VRK2: variants seen among roughly 807,000 people sequenced by gnomAD.
The protein encoded by VRK2 is serine/threonine-protein kinase VRK2.
Under a neutral mutation model 57.6 loss-of-function variants are expected in VRK2, and 60 were observed. The observed-to-expected ratio is 1.04, with a 90% confidence interval of 0.85 to 1.29. The LOEUF (loss-of-function observed/expected upper bound fraction) is 1.29. VRK2 is among the 50% of genes most tolerant of loss of function. VRK2 has a pLI of 0.00. For synonymous variants in VRK2, 231 were observed against 199.2 expected (o/e 1.16, Z -1.35); for missense variants, 705 against 588.1 (o/e 1.20, Z -2.06).
At chr2:57,966,261 G>T (rs1259432721) in intron 1 of VRK2, among the ~76,000 whole-genome samples, 2 of 152,310 alleles carry the variant, frequency 1.3e-5, no homozygotes, top group East Asian at 3.9e-4. Flanking sequence ...CGCACAGTGG[G>T]TTGGGTTGCA....
At chr2:58,083,613 G>A (rs1671203055) in intron 2 of VRK2, among the ~76,000 whole-genome samples, 1 of 151,718 alleles carries the variant, frequency 6.6e-6, no homozygotes, top group Non-Finnish European at 1.5e-5. Flanking sequence ...AGTATAAATT[G>A]TTTTGAACTT....
chr2:58,099,183 C>T (rs563654739), intron 7 of VRK2, among the ~76,000 whole-genome samples: 10 of 152,134 alleles, frequency 6.6e-5, no homozygotes, highest in African/African-American at 2.4e-4. Flanking sequence ...GAAGTTGATG[C>T]AGTTTGAGAT....
In VRK2 at chr2:58,123,185, C is replaced by T. The variant is rs1677787318; in HGVS notation, c.628C>T (p.His210Tyr). ...KQYQENPRKG[H>Y]NGTIEFTSLD... Reference sequence around the variant, plus strand: ...GTATCAGGAAAATCCTAGAAAAGGCCATAATGGGACAATAGAGTTTACCAG... The same window carrying T: ...GTATCAGGAAAATCCTAGAAAAGGCTATAATGGGACAATAGAGTTTACCAG... The change falls in exon 8 of 13, where the codon CAT (histidine) becomes TAT (tyrosine). Residue 210 changes from histidine to tyrosine, a missense_variant. Physicochemically the swap from His to Tyr is moderately conservative, Grantham distance 83. Transcript: ENST00000340157. 2 of 1,593,546 alleles carry T rather than the reference C, an allele frequency of 1.3e-6. No individual in the cohort carries two copies. Among genetic ancestry groups the T allele is most frequent in the African/African-American group, 1.4e-5 (1 of 72,978 alleles).
chr2:58,123,851 CA>C (rs1677895558), intron 8 of VRK2, among the ~76,000 whole-genome samples: 1 of 148,230 alleles, frequency 6.7e-6, no homozygotes, highest in Admixed American at 6.7e-5. Context: ...CAAGACCCCT[CA>C]GAAAAAAAAA....
intron 2 of VRK2, among the ~76,000 whole-genome samples, chr2:58,076,106 CTTTT>C (rs71394406): frequency 8.2e-6 from 1 of 121,806 alleles, no homozygotes. Context: ...CTACTGTCTT[CTTTT>C]TTTTTTTTTT....
chr2:58,033,106 T>C (rs1368209410), intron 2 of VRK2: 1 of 152,104 alleles, frequency 6.6e-6, no homozygotes, highest in Non-Finnish European at 1.5e-5. Context: ...ATTTATGTAT[T>C]TGAAAATATC....
intron 1 of VRK2, among the ~76,000 whole-genome samples, chr2:57,981,882 T>C (rs923930998): frequency 6.6e-6 from 1 of 152,220 alleles, no homozygotes; most frequent in Non-Finnish European, 1.5e-5. Flanking sequence ...TCTATGTCTA[T>C]CATTTCAGCC....
intron 1 of VRK2, among the ~76,000 whole-genome samples, chr2:57,953,998 G>T (rs1388770628): frequency 6.6e-6 from 1 of 152,018 alleles, no homozygotes; most frequent in Non-Finnish European, 1.5e-5. Context: ...ATTCTCCTAT[G>T]CCTCTCCCAT....
chr2:57,973,225 A>G (rs565405794), intron 1 of VRK2, among the ~76,000 whole-genome samples: 1 of 152,028 alleles, frequency 6.6e-6, no homozygotes, highest in South Asian at 2.1e-4. Flanking sequence ...GGGAGAAGTA[A>G]TAACTCAGTG....
At chr2:58,122,954 T>A (rs1339022420) in intron 7 of VRK2, 147 bp from the exon 8 acceptor site, 1 of 939,820 alleles carries the variant, frequency 1.1e-6, no homozygotes, top group Non-Finnish European at 1.5e-6. Flanking sequence ...CCCCCAGTTG[T>A]ACATATTTTA....
rs1246944411 is a variant in VRK2, at chr2:58,019,979, A to C, written c.-438-5686A>C. ...TAAAAATAAAAATAAATCTAAAACAACGTGACATAACTACGAATAAACATA... is the reference window on the plus strand; with the variant it reads ...TAAAAATAAAAATAAATCTAAAACACCGTGACATAACTACGAATAAACATA... On this transcript the variant is annotated intron_variant, in intron 1 of 15. Transcript: ENST00000417641. Among the ~76,000 whole-genome samples, 3 of 152,208 alleles carry C rather than the reference A, an allele frequency of 2.0e-5. No homozygotes were observed. The South Asian group carries it at 6.2e-4, about 31-fold the overall frequency.
At chr2:57,993,437 GA>G (rs1425780386) in intron 1 of VRK2, among the ~76,000 whole-genome samples, 2 of 150,594 alleles carry the variant, frequency 1.3e-5, no homozygotes, top group Non-Finnish European at 2.9e-5. Flanking sequence ...GGTAGCTCCT[GA>G]AAGCAATATA....
Position 58,139,821 on chromosome 2 carries a change from A to G in VRK2, c.1012A>G (p.Asn338Asp), listed in dbSNP as rs552864455. The change falls in exon 11 of 13, where the codon AAC (asparagine) becomes GAC (aspartate). Residue 338 changes from asparagine to aspartate, a missense_variant. Asn to Asp is a conservative substitution (Grantham distance 23). Coordinates refer to ENST00000340157, the MANE Select transcript of VRK2 (RefSeq NM_006296.7). ...ACAGAGTATAAATGTCCATACTCCA[A>G]ACAGTCAAAAAGTAAGTAACATAAT... Reference protein sequence around the residue: ...KGQSINVHTPNSQKVDSQKAA... With the variant: ...KGQSINVHTPDSQKVDSQKAA... 76 of 1,610,712 alleles carry G rather than the reference A, an allele frequency of 4.7e-5. No homozygotes were observed. The highest frequency in any genetic ancestry group is 6.1e-5 in the Non-Finnish European group (72 of 1,178,370).
intron 7 of VRK2, among the ~76,000 whole-genome samples, chr2:58,102,817 A>T (rs1674188943): frequency 6.6e-6 from 1 of 151,648 alleles, no homozygotes; most frequent in African/African-American, 2.4e-5. Context: ...ATTCTCCAAG[A>T]TAGACTGTAT....
At chr2:58,087,797 G>A (rs755673990) in intron 5 of VRK2, among the ~76,000 whole-genome samples, 16 of 152,152 alleles carry the variant, frequency 1.1e-4, no homozygotes, top group East Asian at 1.9e-4. Flanking sequence ...GACCATCCTG[G>A]CCAACATGGT....
At chr2:58,147,940 C>A (rs1682414589) in intron 12 of VRK2, among the ~76,000 whole-genome samples, 1 of 151,690 alleles carries the variant, frequency 6.6e-6, no homozygotes, top group South Asian at 2.1e-4. Flanking sequence ...ATTCACAAGG[C>A]CATTCTCCTA....
chr2:57,946,637 T>A (rs979535008), intron 1 of VRK2, among the ~76,000 whole-genome samples: 2 of 152,172 alleles, frequency 1.3e-5, no homozygotes, highest in South Asian at 4.1e-4. Flanking sequence ...AGGTCATATT[T>A]TGAGATTCAG....
chr2:58,094,260 T>A (rs1341607828), intron 7 of VRK2, among the ~76,000 whole-genome samples: 1 of 152,188 alleles, frequency 6.6e-6, no homozygotes, highest in South Asian at 2.1e-4. Context: ...TTGGGCAGTA[T>A]GGCCATTCTG....
intron 1 of VRK2, among the ~76,000 whole-genome samples, chr2:57,991,037 G>A (rs1301030316): frequency 6.6e-6 from 1 of 151,842 alleles, no homozygotes; most frequent in East Asian, 1.9e-4. Context: ...CTTCCTGAAA[G>A]AGAATGTCAA....
Sources: allele counts gnomAD v4.1 joint callset (sites outside exome capture counted in the v4.1 genomes callset), GRCh38; gene constraint gnomAD v4.1.1; transcripts MANE v1.5; gene names NCBI Gene and HGNC (gene_info 2026-07-23, HGNC 2026-07-21).